Variants in PPP4R2 observed in about 807,000 individuals in gnomAD.
PPP4R2 encodes protein phosphatase 4 regulatory subunit 2, also known as serine/threonine-protein phosphatase 4 regulatory subunit 2.
A neutral mutation model predicts 47.2 loss-of-function variants in PPP4R2; 13 were observed. The observed-to-expected ratio is 0.28, with a 90% CI of 0.18 to 0.44. The LOEUF is 0.44. PPP4R2 is among the 20% of genes least tolerant of loss of function. The probability of loss-of-function intolerance (pLI) is 1.00; values close to 1 mark genes in which losing one functional copy is unlikely to be tolerated. For synonymous variants in PPP4R2, 151 were observed against 163.3 expected, an observed-to-expected ratio of 0.92 and a Z score of 0.57; for missense variants, 421 against 491.2, an observed-to-expected ratio of 0.86 and a Z score of 1.35.
At chr3:73,054,125 C>T (rs1702679207) in intron 3 of PPP4R2, among the ~76,000 whole-genome samples, 1 of 152,040 alleles carries the variant, frequency 6.6e-6, no homozygotes, top group Admixed American at 6.5e-5. Context: ...GCCATGTTGG[C>T]CAGGCTGGTC....
intron 3 of PPP4R2, among the ~76,000 whole-genome samples, chr3:73,052,102 G>T (rs867583617): frequency 1.3e-5 from 2 of 152,058 alleles, no homozygotes; most frequent in Non-Finnish European, 2.9e-5. Context: ...GACTAGGTGC[G>T]TGGATGGATA....
At position 73,059,348 on chromosome 3, in the gene PPP4R2, T is replaced by C. The variant is rs368969305; in HGVS notation, c.381+218T>C. 2.4e-4 allele frequency among the ~76,000 whole-genome samples: 36 copies of C among 152,332 alleles called. 1 individual carries two copies. The highest frequency in any genetic ancestry group is 8.4e-4 in the African/African-American group (35 of 41,570). Reference sequence around the variant, plus strand: ...GGTTTGTGTGTTGGTCATTGAAGTTTGGTGAAAGCAGCTTATTATTTCTTG... The same window carrying C: ...GGTTTGTGTGTTGGTCATTGAAGTTCGGTGAAAGCAGCTTATTATTTCTTG... On this transcript the variant is annotated intron_variant, in intron 4 of 8. Coordinates refer to ENST00000356692, the MANE Select transcript of PPP4R2 (RefSeq NM_174907.4).
chr3:73,065,741 A>ATT lies in PPP4R2; in HGVS notation c.*20_*21insTT, dbSNP rs538499884. On this transcript the variant is annotated 3_prime_UTR_variant, in exon 9 of 9. Transcript: ENST00000356692. ...AGACTAACTATTTAGAAACATTTAG[A>ATT]TGCAGTATTTTACATACAGTTCTGG... 738 of 1,536,762 alleles carry ATT rather than the reference A, an allele frequency of 4.8e-4. 13 individuals are homozygous for ATT. In the South Asian group the frequency reaches 7.0e-3, roughly 14 times the overall value.
intron 2 of PPP4R2, among the ~76,000 whole-genome samples, chr3:73,018,452 T>TGTTATGTTATGTTATTTATG: frequency 1.0e-5 from 1 of 96,506 alleles, no homozygotes. Context: ...TGTTATGTTA[T>TGTTATGTTATGTTATTTATG]TTATGTTATG....
intron 2 of PPP4R2, among the ~76,000 whole-genome samples, chr3:73,034,844 C>CT (rs1225701218): frequency 9.8e-6 from 1 of 101,848 alleles, no homozygotes; most frequent in East Asian, 2.6e-4. Context: ...TAGTTTTGTT[C>CT]TTAAAAAAAA....
chr3:73,064,807 G>A (rs748554713), intron 7 of PPP4R2, 45 bp from the exon 8 acceptor site: 1 of 1,486,258 alleles, frequency 6.7e-7, no homozygotes, highest in Non-Finnish European at 9.1e-7. Context: ...TGTAGAAGAT[G>A]GGGAAAATAA....
chr3:73,030,030 A>C (rs1275072994), intron 2 of PPP4R2, among the ~76,000 whole-genome samples: 1 of 152,216 alleles, frequency 6.6e-6, no homozygotes, highest in Non-Finnish European at 1.5e-5. Context: ...CAGCTGTTTT[A>C]AGGACTTTTA....
intron 2 of PPP4R2, among the ~76,000 whole-genome samples, chr3:73,001,924 G>A (rs891047929): frequency 2.0e-5 from 3 of 152,108 alleles, no homozygotes; most frequent in Admixed American, 6.6e-5. Flanking sequence ...ATCGCCCCCG[G>A]CCCCATCTTT....
rs1181999418 is a variant in PPP4R2, at chr3:73,049,734, CAA to C, written c.287+2380_287+2381del. Among the ~76,000 whole-genome samples, 3 of 150,134 alleles carry C rather than the reference CAA, an allele frequency of 2.0e-5. No individual in the cohort carries two copies. The Admixed American group carries it at 2.0e-4, about 10-fold the overall frequency. On this transcript the variant is annotated intron_variant, in intron 3 of 8. Transcript: ENST00000356692. ...CATTCACATTAAGTTGGGCTAGAAA[CAA>C]ATACATGTATTATATATTATATATA... is the stretch of plus-strand genomic sequence containing the variant.
intron 2 of PPP4R2, among the ~76,000 whole-genome samples, chr3:73,028,566 G>T (rs1312003412): frequency 6.6e-6 from 1 of 151,920 alleles, no homozygotes; most frequent in Non-Finnish European, 1.5e-5. Context: ...TCAGCCTCCC[G>T]AGTAGCTGGG....
At chr3:73,041,360 T>G (rs1702375430) in intron 2 of PPP4R2, among the ~76,000 whole-genome samples, 1 of 152,368 alleles carries the variant, frequency 6.6e-6, no homozygotes, top group South Asian at 2.1e-4. Context: ...CATAATTTTA[T>G]GTAAGCAACT....
chr3:73,018,441 A>ATGTTC (rs1205188386), intron 2 of PPP4R2, among the ~76,000 whole-genome samples: 1 of 103,790 alleles, frequency 9.6e-6, no homozygotes. Context: ...ATGTTATGTT[A>ATGTTC]TGTTATGTTA....
intron 2 of PPP4R2, among the ~76,000 whole-genome samples, chr3:73,039,150 T>G (rs1702326039): frequency 6.6e-6 from 1 of 152,098 alleles, no homozygotes. Context: ...TGAGACTGAG[T>G]TTTGCTTTTG....
intron 2 of PPP4R2, among the ~76,000 whole-genome samples, chr3:73,001,349 A>G (rs537194432): frequency 1.9e-4 from 29 of 152,200 alleles, no homozygotes; most frequent in Non-Finnish European, 4.3e-4. Context: ...GGGTCACTTG[A>G]GCCCAGGAGT....
At position 72,996,952 on chromosome 3, in the gene PPP4R2, A is replaced by C; in HGVS notation, c.-86A>C. On this transcript the variant is annotated 5_prime_UTR_variant, in exon 1 of 9. Coordinates refer to ENST00000356692, the MANE Select transcript of PPP4R2 (RefSeq NM_174907.4). ...GCCGGAGTGTGTGCGAGGGAGGGGG[A>C]GGGCGTCGGGGGGGTGGGGGGAGGC... The C allele has an allele frequency of 1.0e-6, 1 of 979,952 alleles. No homozygotes were observed. The highest frequency in any genetic ancestry group is 1.3e-6 in the Non-Finnish European group (1 of 744,974). 60.7% of individuals were successfully genotyped at this position (979,952 alleles called of 1,614,324 possible).
At chr3:73,004,675 G>T (rs942081955) in intron 2 of PPP4R2, among the ~76,000 whole-genome samples, 4 of 151,980 alleles carry the variant, frequency 2.6e-5, no homozygotes, top group African/African-American at 7.3e-5. Flanking sequence ...GAACTCCCGA[G>T]CTTAAGTGAT....
chr3:73,017,942 C>T (rs367960583), intron 2 of PPP4R2, among the ~76,000 whole-genome samples: 3 of 151,964 alleles, frequency 2.0e-5, no homozygotes, highest in African/African-American at 4.8e-5. Flanking sequence ...TGGCCAGGCT[C>T]ATACCAGCAT....
intron 2 of PPP4R2, among the ~76,000 whole-genome samples, chr3:73,026,966 T>G (rs569693441): frequency 2.6e-5 from 4 of 152,214 alleles, no homozygotes; most frequent in Non-Finnish European, 2.9e-5. Flanking sequence ...CGAAGTTGTC[T>G]TATTGATAAT....
At chr3:73,056,033 C>A (rs1220495457) in intron 3 of PPP4R2, among the ~76,000 whole-genome samples, 2 of 152,162 alleles carry the variant, frequency 1.3e-5, no homozygotes, top group Non-Finnish European at 2.9e-5. Flanking sequence ...CGCTCCTCTC[C>A]CTATATTTGC....
Sources: gnomAD v4.1 joint callset for allele counts (sites outside exome capture counted in the v4.1 genomes callset) on GRCh38, gnomAD v4.1.1 for gene constraint, MANE v1.5 for transcripts, NCBI Gene and HGNC (gene_info 2026-07-23, HGNC 2026-07-21) for gene names.